Variants in KIFAP3 observed in about 807,000 individuals in gnomAD.
KIFAP3 encodes kinesin-associated protein 3.
A neutral mutation model predicts 106.5 loss-of-function variants in KIFAP3; 68 were observed. The observed-to-expected ratio is 0.64, with a 90% CI of 0.53 to 0.78. The LOEUF (loss-of-function observed/expected upper bound fraction) is 0.78. KIFAP3 is among the 30% of genes least tolerant of loss of function. The pLI is 0.00. For missense variants in KIFAP3, 780 were observed against 941.8 expected (o/e 0.83, Z 2.25); for synonymous variants, 320 against 311.5 (o/e 1.03, Z -0.29).
At chr1:169,971,127 C>T (rs965579767) in intron 17 of KIFAP3, among the ~76,000 whole-genome samples, 8 of 151,996 alleles carry the variant, frequency 5.3e-5, no homozygotes, top group African/African-American at 1.7e-4. Context: ...AAACCACATA[C>T]ACTTAATCTG....
intron 10 of KIFAP3, 21 bp downstream of exon 10, chr1:170,016,441 A>C (rs1428676211): frequency 6.3e-7 from 1 of 1,577,228 alleles, no homozygotes; most frequent in African/African-American, 1.4e-5. Context: ...CAACACTGTC[A>C]TTAATTTCTA....
chr1:170,082,985 T>A (rs1374790416), intron 1 of KIFAP3, among the ~76,000 whole-genome samples: 1 of 151,630 alleles, frequency 6.6e-6, no homozygotes, highest in African/African-American at 2.4e-5. Flanking sequence ...AAAATAATAA[T>A]AAAATAAACA....
chr1:170,035,336 G>A (rs943214575), intron 6 of KIFAP3, 118 bp downstream of exon 6: 3 of 571,316 alleles, frequency 5.3e-6, no homozygotes, highest in African/African-American at 3.9e-5. Context: ...CAGCAGTAGA[G>A]CATAGGCAGA....
chr1:170,021,548 T>C (rs530170771), intron 9 of KIFAP3, among the ~76,000 whole-genome samples: 127 of 149,830 alleles, frequency 8.5e-4, no homozygotes, highest in African/African-American at 2.9e-3. Context: ...CAAGCAATTC[T>C]CCTGCCTCAG....
chr1:170,024,253 A>G (rs929785421), intron 9 of KIFAP3, 165 bp downstream of exon 9: 1 of 468,932 alleles, frequency 2.1e-6, no homozygotes, highest in Non-Finnish European at 3.7e-6. Flanking sequence ...ATTAACTAAT[A>G]TGGAATACAT....
At chr1:169,922,069 T>C (rs886556194) in intron 19 of KIFAP3, among the ~76,000 whole-genome samples, 1 of 152,162 alleles carries the variant, frequency 6.6e-6, no homozygotes. Flanking sequence ...ATAAATTACT[T>C]ATATATGGCT....
chr1:170,004,193 AGTGAAATAAAAGAGGAT>A (rs1407590829), intron 10 of KIFAP3, among the ~76,000 whole-genome samples: 1 of 150,564 alleles, frequency 6.6e-6, no homozygotes, highest in African/African-American at 2.4e-5. Context: ...ACCACTGCTC[AGTGAAATAAAAGAGGAT>A]ACAAACAAAT....
intron 17 of KIFAP3, 48 bp downstream of exon 17, chr1:169,972,465 C>A (rs1665970989): frequency 3.3e-6 from 3 of 915,970 alleles, no homozygotes; most frequent in South Asian, 2.9e-5. Flanking sequence ...GACTTTCTCC[C>A]CCAAGATGAA....
At chr1:170,066,777 G>A (rs1671468281) in intron 1 of KIFAP3, among the ~76,000 whole-genome samples, 1 of 152,120 alleles carries the variant, frequency 6.6e-6, no homozygotes, top group Admixed American at 6.5e-5. Flanking sequence ...GAGTAACTGT[G>A]AAACAGATGC....
intron 15 of KIFAP3, among the ~76,000 whole-genome samples, chr1:169,981,076 G>A (rs569478373): frequency 6.6e-6 from 1 of 152,212 alleles, no homozygotes; most frequent in South Asian, 2.1e-4. Context: ...ACTCCAGCCT[G>A]GGCAACAAGA....
At chr1:169,963,906 A>G (rs749190016) in intron 17 of KIFAP3, among the ~76,000 whole-genome samples, 1 of 73,244 alleles carries the variant, frequency 1.4e-5, no homozygotes, top group Non-Finnish European at 2.5e-5. Flanking sequence ...CATAAACATT[A>G]TGTAAAAATA....
chr1:170,028,401 G>A (rs1669230511), intron 8 of KIFAP3, among the ~76,000 whole-genome samples: 2 of 152,018 alleles, frequency 1.3e-5, no homozygotes, highest in South Asian at 2.1e-4. Flanking sequence ...GCAATGGTGC[G>A]ATCTTGGCTC....
rs573581913 is a variant in KIFAP3, at chr1:170,035,936, A to G, written c.518-383T>C. Among the ~76,000 whole-genome samples the G allele has an allele frequency of 5.8e-4, 88 of 152,084 alleles. 1 individual carries two copies. In the South Asian group the frequency reaches 0.018, roughly 31 times the overall value. Reference sequence around the variant, plus strand: ...TTTAACATCTGATTTAATGTATTTGATAATATGAAAAAAACTTGAATAAGT... The same window carrying G: ...TTTAACATCTGATTTAATGTATTTGGTAATATGAAAAAAACTTGAATAAGT... On this transcript the variant is annotated intron_variant, in intron 5 of 19. Coordinates refer to ENST00000361580, the MANE Select transcript of KIFAP3 (RefSeq NM_014970.4).
intron 19 of KIFAP3, among the ~76,000 whole-genome samples, chr1:169,950,664 G>C (rs1025081937): frequency 6.6e-6 from 1 of 151,990 alleles, no homozygotes; most frequent in Non-Finnish European, 1.5e-5. Context: ...CTTTACAGTA[G>C]AGATGAAGAA....
intron 2 of KIFAP3, among the ~76,000 whole-genome samples, chr1:170,051,248 T>C (rs1373015474): frequency 1.3e-5 from 2 of 151,262 alleles, no homozygotes; most frequent in African/African-American, 4.9e-5. Context: ...AAGAAGGGCA[T>C]TACATAATGG....
At chr1:170,060,612 T>A (rs978637267) in intron 1 of KIFAP3, among the ~76,000 whole-genome samples, 1 of 152,014 alleles carries the variant, frequency 6.6e-6, no homozygotes, top group Non-Finnish European at 1.5e-5. Context: ...TTCAATGACA[T>A]CCCCATCAAG....
chr1:170,064,444 C>T (rs1316009270), intron 1 of KIFAP3, among the ~76,000 whole-genome samples: 1 of 152,184 alleles, frequency 6.6e-6, no homozygotes, highest in East Asian at 1.9e-4. Context: ...AGCCTTGCCT[C>T]CCAGGCTCAG....
intron 2 of KIFAP3, among the ~76,000 whole-genome samples, chr1:170,050,281 C>G (rs1278838129): frequency 6.6e-6 from 1 of 151,860 alleles, no homozygotes; most frequent in Non-Finnish European, 1.5e-5. Context: ...GGCGTGAAGA[C>G]AAGATTAGAG....
In KIFAP3 at chr1:170,013,906, G is replaced by A. The variant is rs571837376; in HGVS notation, c.1183+2556C>T. 3.0e-4 allele frequency among the ~76,000 whole-genome samples: 45 copies of A among 152,210 alleles called. 1 individual carries two copies. The highest frequency in any genetic ancestry group is 2.3e-3 in the South Asian group (11 of 4,822). On this transcript the variant is annotated intron_variant, in intron 10 of 19. Transcript: ENST00000361580. ...AAAGCATGCAATTCTCCATATCCCTGTTCCGTCACACTTCTCTATTTCTGT... is the reference window on the plus strand; with the variant it reads ...AAAGCATGCAATTCTCCATATCCCTATTCCGTCACACTTCTCTATTTCTGT...
Sources: allele counts gnomAD v4.1 joint callset (sites outside exome capture counted in the v4.1 genomes callset), GRCh38; gene constraint gnomAD v4.1.1; transcripts MANE v1.5; gene names NCBI Gene and HGNC (gene_info 2026-07-23, HGNC 2026-07-21).